Variants in DNAH14 observed in about 807,000 individuals in gnomAD.
DNAH14 encodes the protein axonemal beta dynein heavy chain 14.
A neutral mutation model predicts 520.9 loss-of-function variants in DNAH14; 478 were observed. The ratio of observed to expected loss-of-function variants is 0.92; its 90% CI spans 0.85 to 0.99. The LOEUF (loss-of-function observed/expected upper bound fraction) is 0.99, where lower values mean the gene tolerates loss of function less well. Ranked by LOEUF, DNAH14 falls within the 50% of genes least tolerant of loss-of-function variation. The pLI, the probability that DNAH14 is intolerant of heterozygous loss-of-function variation, is 0.00. For synonymous variants in DNAH14, 1,581 were observed against 1,757.2 expected, an observed-to-expected ratio of 0.90 and a Z score of 2.51; for missense variants, 4,831 against 5,234.5, an observed-to-expected ratio of 0.92 and a Z score of 2.38.
At chr1:225,330,276 C>T (rs1370198192) in intron 64 of DNAH14, among the ~76,000 whole-genome samples, 1 of 152,092 alleles carries the variant, frequency 6.6e-6, no homozygotes, top group African/African-American at 2.4e-5. Context: ...ATAGAGCTAC[C>T]ATATGATCCA....
At chr1:225,163,453 C>CTT (rs1193184989) in intron 35 of DNAH14, among the ~76,000 whole-genome samples, 2 of 152,114 alleles carry the variant, frequency 1.3e-5, no homozygotes, top group Non-Finnish European at 2.9e-5. Context: ...AGAGAAAAGG[C>CTT]TTTCTGTTTT....
At chr1:225,358,748 A>C in intron 74 of DNAH14, 96 bp downstream of exon 74, 13 of 1,286,668 alleles carry the variant, frequency 1.0e-5, no homozygotes, top group African/African-American at 1.5e-5. Context: ...TAATCCCCAC[A>C]TGTCAAGGGC....
At chr1:224,967,979 A>G (rs2061292026) in intron 6 of DNAH14, 2 of 1,056,710 alleles carry the variant, frequency 1.9e-6, no homozygotes, top group African/African-American at 1.7e-5. Context: ...ACACTCTTAT[A>G]TAGCATTTTG....
chr1:224,954,542 GA>G (rs1281988429), intron 2 of DNAH14: 1 of 153,068 alleles, frequency 6.5e-6, no homozygotes, highest in Non-Finnish European at 1.5e-5. Flanking sequence ...TGAAATTTCA[GA>G]AAATTGTGTT....
intron 16 of DNAH14, 82 bp from the exon 17 acceptor site, chr1:225,051,369 G>A: frequency 9.8e-7 from 1 of 1,025,396 alleles, no homozygotes; most frequent in East Asian, 2.8e-5. Context: ...ATTTTATTTT[G>A]TCAGAAACTA....
chr1:225,255,565 T>G (rs1239540421), intron 44 of DNAH14, among the ~76,000 whole-genome samples: 1 of 152,124 alleles, frequency 6.6e-6, no homozygotes, highest in Non-Finnish European at 1.5e-5. Flanking sequence ...CTAAGGAATC[T>G]CCAGTCTTGA....
At chr1:225,346,876 A>G (rs564221873) in intron 71 of DNAH14, among the ~76,000 whole-genome samples, 1 of 152,294 alleles carries the variant, frequency 6.6e-6, no homozygotes, top group African/African-American at 2.4e-5. Context: ...AGAATATCTA[A>G]TGGTAGTCAA....
At chr1:225,307,366 C>T (rs1461745231) in intron 58 of DNAH14, 95 bp from the exon 59 acceptor site, 16 of 863,820 alleles carry the variant, frequency 1.9e-5, no homozygotes, top group Non-Finnish European at 2.3e-5. Context: ...ATCCATTTGG[C>T]CATAATTTGG....
chr1:225,045,812 T>C (rs2067905793), intron 15 of DNAH14, among the ~76,000 whole-genome samples: 1 of 152,104 alleles, frequency 6.6e-6, no homozygotes, highest in Non-Finnish European at 1.5e-5. Flanking sequence ...AGTTACCATA[T>C]TTCCTCCTGT....
At chr1:224,992,791 A>C (rs997765362) in intron 8 of DNAH14, among the ~76,000 whole-genome samples, 1 of 152,028 alleles carries the variant, frequency 6.6e-6, no homozygotes, top group Non-Finnish European at 1.5e-5. Flanking sequence ...CTCAGAAAGT[A>C]CTTCAATTTT....
rs144175124 is a variant in DNAH14, at chr1:225,177,386, G to T, written c.5536-7905G>T. Among the ~76,000 whole-genome samples the T allele has an allele frequency of 5.3e-5, 8 of 152,252 alleles. No homozygotes were observed. The East Asian group carries it at 1.5e-3, about 29-fold the overall frequency. ...TGCAGCCTGACAATGCGATAGAAAA[G>T]AAAATCTCATTTTCTGAGGAGAAAT... On this transcript the variant is annotated intron_variant, in intron 36 of 85. Transcript: ENST00000682510.
chr1:225,203,158 G>A (rs2087081454), intron 38 of DNAH14, among the ~76,000 whole-genome samples: 1 of 152,314 alleles, frequency 6.6e-6, no homozygotes, highest in African/African-American at 2.4e-5. Flanking sequence ...AAAAGTTCAT[G>A]ATGTGAGCCT....
chr1:225,307,588 C>G lies in DNAH14; in HGVS notation c.9114+19C>G, dbSNP rs984139400. Reference sequence around the variant, plus strand: ...AACAAAGGTATGTTTGCTTTGAAATCTCTTTTAAAGATTTTATAGTCTAAT... The same window carrying G: ...AACAAAGGTATGTTTGCTTTGAAATGTCTTTTAAAGATTTTATAGTCTAAT... On this transcript the variant is annotated intron_variant, in intron 59 of 85. Transcript: ENST00000682510. 6 of 1,509,004 alleles carry G rather than the reference C, an allele frequency of 4.0e-6. No individual in the cohort carries two copies. In the South Asian group the frequency reaches 7.5e-5, roughly 19 times the overall value. The allele number at this position is 1,509,004 out of a possible 1,614,324, so 93.5% of individuals were successfully genotyped here. A position where few individuals can be genotyped will look rare whatever the true frequency, so the allele number is the denominator to read the frequency against.
At chr1:225,339,908 T>TCCTCCTCTGCC (rs2095143441) in intron 68 of DNAH14, among the ~76,000 whole-genome samples, 2 of 152,138 alleles carry the variant, frequency 1.3e-5, no homozygotes, top group South Asian at 4.1e-4. Flanking sequence ...GCTTCCCTCT[T>TCCTCCTCTGCC]CCTCCTCTGC....
At chr1:224,998,302 T>A (rs1415791779) in intron 8 of DNAH14, among the ~76,000 whole-genome samples, 2 of 152,142 alleles carry the variant, frequency 1.3e-5, no homozygotes, top group Non-Finnish European at 2.9e-5. Flanking sequence ...TATCATAATT[T>A]CTTTCCTCTG....
At chr1:225,156,643 C>T (rs1161477910) in intron 34 of DNAH14, among the ~76,000 whole-genome samples, 1 of 151,154 alleles carries the variant, frequency 6.6e-6, no homozygotes, top group Non-Finnish European at 1.5e-5. Flanking sequence ...ATCTCTCTGT[C>T]TCTTATTAGG....
In DNAH14 at chr1:225,389,893, T is replaced by C. The variant is rs1342206823; in HGVS notation, c.13330+20T>C. 6.4e-7 allele frequency: 1 copy of C among 1,550,780 alleles called. No homozygotes were observed. The highest frequency in any genetic ancestry group is 1.2e-5 in the South Asian group (1 of 83,954). ...CACAAGGTGAGCATTAGAACCAAGG[T>C]CAGCTCCAGACCTGGCCCAGGCAAG... On this transcript the variant is annotated intron_variant, in intron 83 of 85. Transcript: ENST00000682510.
At chr1:225,064,012 C>T (rs1228079261) in intron 17 of DNAH14, among the ~76,000 whole-genome samples, 4 of 152,068 alleles carry the variant, frequency 2.6e-5, no homozygotes, top group African/African-American at 7.2e-5. Context: ...TGAGAAAAAT[C>T]TCTTTGGATT....
chr1:225,290,599 GTGTGTGTGTGTGTA>G (rs2093846458), intron 55 of DNAH14, among the ~76,000 whole-genome samples: 1 of 143,600 alleles, frequency 7.0e-6, no homozygotes, highest in Non-Finnish European at 1.5e-5. Context: ...ATATATATGT[GTGTGTGTGTGTGTA>G]TGTGTGTGTA....
Sources: gnomAD v4.1 joint callset for allele counts (sites outside exome capture counted in the v4.1 genomes callset) on GRCh38, gnomAD v4.1.1 for gene constraint, MANE v1.5 for transcripts, NCBI Gene and HGNC (gene_info 2026-07-23, HGNC 2026-07-21) for gene names.